The following UST variants were observed in gnomAD, a reference collection of about 807,000 sequenced individuals.
UST encodes the protein chondroitin sulfate 2-O-sulfotransferase.
In UST, 21 loss-of-function variants were observed where a neutral mutation model predicts 45.6. The ratio of observed to expected loss-of-function variants is 0.46; its 90% CI spans 0.33 to 0.66. The LOEUF is 0.66. Among genes scored for constraint, UST ranks in the 30% least tolerant of loss-of-function variants. The probability of loss-of-function intolerance (pLI) is 0.02; values close to 1 mark genes in which losing one functional copy is unlikely to be tolerated. For synonymous variants in UST, 215 were observed against 200.6 expected, an observed-to-expected ratio of 1.07 and a Z score of -0.61; for missense variants, 463 against 512.4, an observed-to-expected ratio of 0.90 and a Z score of 0.93.
chr6:148,809,225 G>A (rs1302553506), intron 1 of UST, among the ~76,000 whole-genome samples: 1 of 152,216 alleles, frequency 6.6e-6, no homozygotes, highest in Non-Finnish European at 1.5e-5. Context: ...TGGAAAAAGA[G>A]TAGGCAGTAG....
chr6:149,007,451 C>T (rs1009614281), intron 5 of UST, among the ~76,000 whole-genome samples: 1 of 140,140 alleles, frequency 7.1e-6, no homozygotes. Context: ...CCACACCCAG[C>T]TAATTTTTTG....
intron 1 of UST, among the ~76,000 whole-genome samples, chr6:148,752,638 C>T (rs1383623822): frequency 6.6e-6 from 1 of 152,198 alleles, no homozygotes; most frequent in Admixed American, 6.5e-5. Context: ...TGTCTTTCTT[C>T]AAATTCCCTG....
rs147360875 is a variant in UST at position 148,967,628 on chromosome 6, G to T, written c.681+3065G>T. On this transcript the variant is annotated intron_variant, in intron 5 of 7. Coordinates refer to ENST00000367463, the MANE Select transcript of UST (RefSeq NM_005715.3). Reference sequence around the variant, plus strand: ...GGTGTTGTTTGTGTCTCAGCGGGGCGCAGGCAGCTGTGAGGAGCCCACTGT... The same window carrying T: ...GGTGTTGTTTGTGTCTCAGCGGGGCTCAGGCAGCTGTGAGGAGCCCACTGT... 3.9e-5 allele frequency among the ~76,000 whole-genome samples: 6 copies of T among 152,284 alleles called. No individual in the cohort carries two copies. The South Asian group carries it at 1.2e-3, about 32-fold the overall frequency.
chr6:148,783,869 C>T (rs1208634218), intron 1 of UST, among the ~76,000 whole-genome samples: 3 of 152,106 alleles, frequency 2.0e-5, no homozygotes, highest in African/African-American at 7.2e-5. Flanking sequence ...AAATGTTGCA[C>T]TATAGATCTC....
intron 1 of UST, among the ~76,000 whole-genome samples, chr6:148,774,838 G>A (rs949008768): frequency 2.0e-5 from 3 of 152,162 alleles, no homozygotes; most frequent in African/African-American, 7.2e-5. Flanking sequence ...GACCAACATG[G>A]TGAAACCCCG....
At chr6:148,926,301 C>G (rs1015424316) in intron 2 of UST, among the ~76,000 whole-genome samples, 1 of 152,114 alleles carries the variant, frequency 6.6e-6, no homozygotes, top group Non-Finnish European at 1.5e-5. Context: ...ATACCTGTAG[C>G]CATTTTTAAA....
chr6:148,780,101 A>G (rs912031824), intron 1 of UST, among the ~76,000 whole-genome samples: 2 of 149,142 alleles, frequency 1.3e-5, no homozygotes, highest in Admixed American at 6.6e-5. Flanking sequence ...ACACACACAC[A>G]CACAAATACA....
In UST at chr6:148,811,481, G is replaced by A. The variant is rs116275638; in HGVS notation, c.247+63804G>A. Among the ~76,000 whole-genome samples, 318 of 152,290 alleles carry A rather than the reference G, an allele frequency of 2.1e-3. 1 individual carries two copies. The highest frequency in any genetic ancestry group is 7.4e-3 in the African/African-American group (308 of 41,564). Reference sequence around the variant, plus strand: ...TGGATGTCGGAATGGGTGAGAATTGGCGCCATTTTAAAAATTGGTCTCATT... The same window carrying A: ...TGGATGTCGGAATGGGTGAGAATTGACGCCATTTTAAAAATTGGTCTCATT... On this transcript the variant is annotated intron_variant, in intron 1 of 7. Coordinates refer to ENST00000367463, the MANE Select transcript of UST (RefSeq NM_005715.3).
chr6:148,785,900 C>T (rs1776725968), intron 1 of UST, among the ~76,000 whole-genome samples: 1 of 152,116 alleles, frequency 6.6e-6, no homozygotes, highest in African/African-American at 2.4e-5. Flanking sequence ...AATTGAGGAA[C>T]CATCATTGGA....
At chr6:149,066,137 A>G (rs984846187) in intron 7 of UST, 1 of 152,418 alleles carries the variant, frequency 6.6e-6, no homozygotes, top group African/African-American at 2.4e-5. Flanking sequence ...CAGGGGTTTC[A>G]AAATGGAGTG....
intron 1 of UST, among the ~76,000 whole-genome samples, chr6:148,874,883 C>A (rs574444145): frequency 6.6e-6 from 1 of 152,310 alleles, no homozygotes; most frequent in East Asian, 1.9e-4. Flanking sequence ...AGCATAATTT[C>A]TTGGCAGGGA....
At chr6:148,990,857 G>A in intron 5 of UST, among the ~76,000 whole-genome samples, 1 of 152,168 alleles carries the variant, frequency 6.6e-6, no homozygotes, top group Non-Finnish European at 1.5e-5. Context: ...GGAAAGAGCA[G>A]TGTTCCACGT....
At chr6:149,017,899 G>A (rs751948002) in intron 5 of UST, among the ~76,000 whole-genome samples, 1 of 151,670 alleles carries the variant, frequency 6.6e-6, no homozygotes, top group African/African-American at 2.4e-5. Context: ...GCATTTTAAT[G>A]GGTTTTCATA....
intron 7 of UST, among the ~76,000 whole-genome samples, chr6:149,070,291 A>G (rs1192972082): frequency 1.3e-5 from 2 of 152,230 alleles, no homozygotes; most frequent in Non-Finnish European, 2.9e-5. Context: ...TTTAAAAAAC[A>G]AAAAGGAACA....
chr6:148,856,428 A>G (rs1451927843), intron 1 of UST, among the ~76,000 whole-genome samples: 1 of 152,258 alleles, frequency 6.6e-6, no homozygotes, highest in African/African-American at 2.4e-5. Flanking sequence ...AACGTAGTGC[A>G]ATAAAATGTT....
rs74652568 is a variant in UST, at chr6:149,007,883, G to T, written c.682-11256G>T. 3.0e-4 allele frequency among the ~76,000 whole-genome samples: 45 copies of T among 152,214 alleles called. No homozygotes were observed. The East Asian group carries it at 6.8e-3, about 23-fold the overall frequency. On this transcript the variant is annotated intron_variant, in intron 5 of 7. Transcript: ENST00000367463. ...TGTATTTCATTTTTCTTTCTAAGGT[G>T]CAGTGAGAGCCCAGATCTATTTGTT... is the stretch of plus-strand genomic sequence containing the variant.
At chr6:148,897,169 T>G (rs114835238) in intron 2 of UST, among the ~76,000 whole-genome samples, 2,268 of 152,202 alleles carry the variant, frequency 0.015, 63 homozygotes, top group African/African-American at 0.048. Flanking sequence ...CTTTTAAAAT[T>G]TTTTTAAAAT....
At chr6:148,834,665 A>G (rs1451700813) in intron 1 of UST, among the ~76,000 whole-genome samples, 1 of 152,090 alleles carries the variant, frequency 6.6e-6, no homozygotes, top group East Asian at 1.9e-4. Flanking sequence ...AGCCTGTGAG[A>G]AAGAGGTGAA....
At chr6:148,833,369 C>T (rs1777726371) in intron 1 of UST, among the ~76,000 whole-genome samples, 1 of 152,112 alleles carries the variant, frequency 6.6e-6, no homozygotes, top group Non-Finnish European at 1.5e-5. Context: ...TACCTGTGAT[C>T]CCAGCTACTT....
Sources: gnomAD v4.1 joint callset for allele counts (sites outside exome capture counted in the v4.1 genomes callset) on GRCh38, gnomAD v4.1.1 for gene constraint, MANE v1.5 for transcripts, NCBI Gene and HGNC (gene_info 2026-07-23, HGNC 2026-07-21) for gene names.